The following RNF145 variants were observed in gnomAD, a reference collection of about 807,000 sequenced individuals.
RNF145 encodes ring finger protein 145.
Under a neutral mutation model 57.3 loss-of-function variants are expected in RNF145, and 12 were observed. The ratio of observed to expected loss-of-function variants is 0.21; its 90% CI spans 0.13 to 0.34. The LOEUF (loss-of-function observed/expected upper bound fraction) is 0.34, where lower values mean the gene tolerates loss of function less well. Ranked by LOEUF, RNF145 falls within the 10% of genes least tolerant of loss-of-function variation. The pLI is 1.00. For missense variants in RNF145, 429 were observed against 799.0 expected, an observed-to-expected ratio of 0.54 and a Z score of 5.58; for synonymous variants, 262 against 288.3, an observed-to-expected ratio of 0.91 and a Z score of 0.92.
At position 159,159,040 on chromosome 5, in the gene RNF145, A is replaced by G. The variant is rs1784130785; in HGVS notation, c.1627-5T>C. On this transcript the variant is annotated splice_polypyrimidine_tract_variant and splice_region_variant and intron_variant, in intron 10 of 10. Coordinates refer to ENST00000424310, the MANE Select transcript of RNF145 (RefSeq NM_001199383.2). Reference sequence around the variant, plus strand: ...GATCACAGCAGATTTCATGTCCTAAAAGAGGGGGAAAAAAGATACCTTATA... The same window carrying G: ...GATCACAGCAGATTTCATGTCCTAAGAGAGGGGGAAAAAAGATACCTTATA... 6.2e-7 allele frequency: 1 copy of G among 1,604,404 alleles called. No homozygotes were observed. Among genetic ancestry groups the G allele is most frequent in the East Asian group, 2.2e-5 (1 of 44,740 alleles).
chr5:159,182,949 T>A (rs1047614896), intron 3 of RNF145, among the ~76,000 whole-genome samples: 5 of 152,188 alleles, frequency 3.3e-5, no homozygotes, highest in Admixed American at 3.3e-4. Flanking sequence ...ATGGCTGTAT[T>A]TACTTTTTCC....
chr5:159,173,754 A>G lies in RNF145; in HGVS notation c.797+229T>C, dbSNP rs529292513. ...ACGATTTGCTATGTACCTTTCCACA[A>G]ATCATTTGCTACACTCTGGTCCATA... On this transcript the variant is annotated intron_variant, in intron 6 of 10. Coordinates refer to ENST00000424310, the MANE Select transcript of RNF145 (RefSeq NM_001199383.2). Among the ~76,000 whole-genome samples the G allele has an allele frequency of 4.1e-4, 63 of 152,316 alleles. 2 individuals carry two copies. Among genetic ancestry groups the G allele is most frequent in the African/African-American group, 1.4e-3 (57 of 41,564 alleles).
intron 3 of RNF145, among the ~76,000 whole-genome samples, chr5:159,192,200 G>C (rs980668677): frequency 1.3e-5 from 2 of 152,130 alleles, no homozygotes; most frequent in African/African-American, 4.8e-5. Context: ...TACATGGAAG[G>C]GAGTGTGCAA....
At chr5:159,167,259 C>T (rs1784418934) in intron 8 of RNF145, among the ~76,000 whole-genome samples, 1 of 152,112 alleles carries the variant, frequency 6.6e-6, no homozygotes, top group African/African-American at 2.4e-5. Flanking sequence ...ATTTTTCCTC[C>T]CACAGCCAAG....
At chr5:159,178,013 A>G (rs1784771541) in intron 4 of RNF145, among the ~76,000 whole-genome samples, 1 of 152,002 alleles carries the variant, frequency 6.6e-6, no homozygotes, top group Non-Finnish European at 1.5e-5. Context: ...TTTTTCTAAT[A>G]TGTCCCTTGT....
At chr5:159,209,754 A>T, upstream of RNF145, 1 of 1,260,264 alleles carries the variant, frequency 7.9e-7, no homozygotes, top group Non-Finnish European at 1.1e-6. Flanking sequence ...GGCGTACTGC[A>T]GAGACACCTG....
intron 2 of RNF145, among the ~76,000 whole-genome samples, chr5:159,195,324 A>G (rs1785421241): frequency 6.6e-6 from 1 of 151,802 alleles, no homozygotes. Flanking sequence ...GCTTTTACCC[A>G]TCTTGAGAAA....
Position 159,209,434 on chromosome 5 carries a change from C to G in RNF145, c.-243G>C, listed in dbSNP as rs1235049511. On this transcript the variant is annotated 5_prime_UTR_variant, in exon 1 of 11. Coordinates refer to ENST00000424310, the MANE Select transcript of RNF145 (RefSeq NM_001199383.2). ...GGCAGCGGCAGCGGCAGCGGCCCGG[C>G]CCGTACGGTCACCATCGTCCGCGGC... 7.1e-6 allele frequency: 7 copies of G among 984,970 alleles called. No homozygotes were observed. In the Admixed American group the frequency reaches 2.5e-4, roughly 35 times the overall value. The allele number at this position is 984,970 out of a possible 1,614,324, so 61.0% of individuals were successfully genotyped here.
At chr5:159,194,418 C>T (rs1364337944) in intron 3 of RNF145, among the ~76,000 whole-genome samples, 4 of 152,114 alleles carry the variant, frequency 2.6e-5, no homozygotes, top group African/African-American at 7.2e-5. Context: ...GTGATCCACC[C>T]GCCTCCCAAA....
At chr5:159,209,697 A>G (rs965005811), upstream of RNF145, 2 of 1,008,828 alleles carry the variant, frequency 2.0e-6, no homozygotes, top group East Asian at 2.9e-5. Flanking sequence ...GGCGGGAGAC[A>G]TAAGCCTAGC....
chr5:159,194,510 T>C (rs1785389414), intron 3 of RNF145, among the ~76,000 whole-genome samples: 1 of 152,226 alleles, frequency 6.6e-6, no homozygotes, highest in South Asian at 2.1e-4. Context: ...GCTTGTTTCA[T>C]GTTAAGCTTG....
intron 3 of RNF145, among the ~76,000 whole-genome samples, chr5:159,186,398 G>C (rs1464713147): frequency 2.0e-5 from 3 of 152,144 alleles, no homozygotes; most frequent in African/African-American, 4.8e-5. Flanking sequence ...TCTCTTCAGC[G>C]ACCTGACTCA....
intron 3 of RNF145, among the ~76,000 whole-genome samples, chr5:159,189,518 C>A (rs1584695888): frequency 6.6e-6 from 1 of 152,306 alleles, no homozygotes; most frequent in Non-Finnish European, 1.5e-5. Context: ...TGAAACACTG[C>A]AGCCATTTTA....
chr5:159,182,333 G>C (rs528453142), intron 3 of RNF145, among the ~76,000 whole-genome samples: 13 of 152,046 alleles, frequency 8.6e-5, no homozygotes, highest in African/African-American at 2.9e-4. Context: ...TTTATGCCCA[G>C]TAAAAACCCA....
chr5:159,198,278 A>G lies in RNF145; in HGVS notation c.185-3454T>C, dbSNP rs531506429. On this transcript the variant is annotated intron_variant, in intron 2 of 10. Transcript: ENST00000424310. The stretch of plus-strand genomic sequence containing the variant: ...AAATAAATAAATAAATAAATAAATA[A>G]AAGAAATAATGACCTACGGGAACAG... Among the ~76,000 whole-genome samples, 18 of 151,926 alleles carry G rather than the reference A, an allele frequency of 1.2e-4. No homozygotes were observed. The South Asian group carries it at 2.1e-3, about 17-fold the overall frequency.
intron 5 of RNF145, among the ~76,000 whole-genome samples, chr5:159,174,818 CTAAAT>C (rs1205595318): frequency 3.3e-5 from 5 of 151,554 alleles, no homozygotes; most frequent in Admixed American, 1.3e-4. Flanking sequence ...CTGCAACTCA[CTAAAT>C]TAGTTTTCCA....
At chr5:159,184,240 T>A (rs976609754) in intron 3 of RNF145, among the ~76,000 whole-genome samples, 7 of 152,248 alleles carry the variant, frequency 4.6e-5, no homozygotes, top group African/African-American at 9.6e-5. Flanking sequence ...TGTTAATTGT[T>A]CTGCATTTTT....
At position 159,194,895 on chromosome 5, in the gene RNF145, T is replaced by C. The variant is rs1256547264; in HGVS notation, c.185-71A>G. The C allele has an allele frequency of 3.7e-6, 4 of 1,076,758 alleles. No individual in the cohort carries two copies. In the Admixed American group the frequency reaches 1.0e-4, roughly 27 times the overall value. 66.7% of individuals were successfully genotyped at this position (1,076,758 alleles called of 1,614,324 possible). A position where few individuals can be genotyped will look rare whatever the true frequency, so the allele number is the denominator to read the frequency against. On this transcript the variant is annotated intron_variant, in intron 2 of 10. Transcript: ENST00000424310. ...AATTAATTACAATAAAAGAAAGAGCTTGAGACAAATAATTTTCCAAATAGG... is the reference window on the plus strand; with the variant it reads ...AATTAATTACAATAAAAGAAAGAGCCTGAGACAAATAATTTTCCAAATAGG...
chr5:159,195,660 C>T lies in RNF145; in HGVS notation c.185-836G>A, dbSNP rs1390931572. On this transcript the variant is annotated intron_variant, in intron 2 of 10. Coordinates refer to ENST00000424310, the MANE Select transcript of RNF145 (RefSeq NM_001199383.2). Reference sequence around the variant, plus strand: ...CTCTAACTTCTCTAATTTCTTTTCACGCTTTCCAATAAACACTGGAAATTT... The same window carrying T: ...CTCTAACTTCTCTAATTTCTTTTCATGCTTTCCAATAAACACTGGAAATTT... 7.2e-5 allele frequency among the ~76,000 whole-genome samples: 11 copies of T among 152,304 alleles called. No individual in the cohort carries two copies. In the South Asian group the frequency reaches 1.9e-3, roughly 26 times the overall value.
Sources: allele counts gnomAD v4.1 joint callset (sites outside exome capture counted in the v4.1 genomes callset), GRCh38; gene constraint gnomAD v4.1.1; transcripts MANE v1.5; gene names NCBI Gene and HGNC (gene_info 2026-07-23, HGNC 2026-07-21).